The following DLG2 variants were observed in gnomAD, a reference collection of about 807,000 sequenced individuals.
The protein encoded by DLG2 is discs large MAGUK scaffold protein 2.
In DLG2, 45 loss-of-function variants were observed where a neutral mutation model predicts 132.5. That is an observed-to-expected ratio of 0.34 (90% CI 0.27 to 0.44). The LOEUF (loss-of-function observed/expected upper bound fraction) is 0.44, where lower values mean the gene tolerates loss of function less well. DLG2 is among the 20% of genes least tolerant of loss of function. The pLI is 1.00. For missense variants in DLG2, 1,045 were observed against 1,196.9 expected (o/e 0.87, Z 1.87); for synonymous variants, 424 against 419.6 (o/e 1.01, Z -0.13).
rs1566441569 is a variant in DLG2 at position 84,934,515 on chromosome 11, G to GGTTT, written c.357+177145_357+177146insAAAC. Among the ~76,000 whole-genome samples, 30 of 40,502 alleles carry GGTTT rather than the reference G, an allele frequency of 7.4e-4. 2 individuals carry two copies. The highest frequency in any genetic ancestry group is 1.2e-3 in the East Asian group (1 of 822). The allele number at this position is 40,502 out of a possible 152,430, so 26.6% of individuals were successfully genotyped here. On this transcript the variant is annotated intron_variant, in intron 6 of 27. Coordinates refer to ENST00000376104, the MANE Select transcript of DLG2 (RefSeq NM_001142699.3). ...GTATGGTCCTGGGTGTTTTTTTTTT[G>GGTTT]TTTTGTTTTGTTTTTTTTTTTTTTT...
chr11:84,423,632 A>T (rs1188926544), intron 7 of DLG2, among the ~76,000 whole-genome samples: 1 of 152,136 alleles, frequency 6.6e-6, no homozygotes, highest in Non-Finnish European at 1.5e-5. Flanking sequence ...TCACCATCAC[A>T]TCCCAGCTTC....
At chr11:84,931,273 T>C (rs2048054244) in intron 6 of DLG2, among the ~76,000 whole-genome samples, 2 of 152,236 alleles carry the variant, frequency 1.3e-5, no homozygotes, top group South Asian at 4.1e-4. Context: ...AAGCCTAATA[T>C]CTGTTAGTTA....
At chr11:83,840,288 AC>A (rs1305257280) in intron 16 of DLG2, among the ~76,000 whole-genome samples, 2 of 152,216 alleles carry the variant, frequency 1.3e-5, no homozygotes, top group Non-Finnish European at 2.9e-5. Flanking sequence ...GAACCCAGGC[AC>A]CAGCATTTCC....
chr11:85,104,561 G>A (rs2071388580), intron 6 of DLG2, among the ~76,000 whole-genome samples: 1 of 151,740 alleles, frequency 6.6e-6, no homozygotes, highest in Non-Finnish European at 1.5e-5. Flanking sequence ...AGGAGAATGG[G>A]AAATTACTGC....
chr11:85,594,440 G>A (rs540626551), intron 3 of DLG2, among the ~76,000 whole-genome samples: 122 of 152,182 alleles, frequency 8.0e-4, no homozygotes, highest in Non-Finnish European at 1.2e-3. Context: ...TTTACCGCTT[G>A]TTCTCCTCTA....
intron 8 of DLG2, among the ~76,000 whole-genome samples, chr11:84,221,464 A>AAATAAT (rs371276817): frequency 1.3e-5 from 2 of 151,820 alleles, no homozygotes; most frequent in South Asian, 4.2e-4. Flanking sequence ...ATTCCATCTC[A>AAATAAT]AATAATAATA....
intron 17 of DLG2, among the ~76,000 whole-genome samples, chr11:83,824,961 A>C (rs1047456396): frequency 6.6e-6 from 1 of 151,784 alleles, no homozygotes; most frequent in Non-Finnish European, 1.5e-5. Flanking sequence ...CTTAAGGAAT[A>C]TAACTGGAAA....
intron 4 of DLG2, among the ~76,000 whole-genome samples, chr11:85,197,876 C>T (rs2081182567): frequency 6.6e-6 from 1 of 152,124 alleles, no homozygotes; most frequent in African/African-American, 2.4e-5. Flanking sequence ...GGTATTGGGT[C>T]ATCATTTAGC....
At chr11:83,716,896 T>C (rs2086829619) in intron 18 of DLG2, among the ~76,000 whole-genome samples, 1 of 152,188 alleles carries the variant, frequency 6.6e-6, no homozygotes, top group Non-Finnish European at 1.5e-5. Context: ...TGGAATTGCG[T>C]AGGCATGAAA....
At chr11:84,803,902 G>C (rs939498376) in intron 6 of DLG2, among the ~76,000 whole-genome samples, 21 of 152,210 alleles carry the variant, frequency 1.4e-4, no homozygotes, top group African/African-American at 5.1e-4. Context: ...TTTATGTCTA[G>C]TATTTCCTAG....
chr11:84,347,416 G>A (rs1052231048), intron 7 of DLG2, among the ~76,000 whole-genome samples: 2 of 152,148 alleles, frequency 1.3e-5, no homozygotes, highest in African/African-American at 4.8e-5. Context: ...TCTGCCCATT[G>A]ATATTTGGTT....
chr11:84,603,309 C>T (rs183782373), intron 6 of DLG2, among the ~76,000 whole-genome samples: 1 of 151,818 alleles, frequency 6.6e-6, no homozygotes, highest in Non-Finnish European at 1.5e-5. Flanking sequence ...AGCAGACATT[C>T]CATATATATT....
At chr11:84,316,891 G>T (rs758072625) in intron 7 of DLG2, 5 of 1,612,864 alleles carry the variant, frequency 3.1e-6, no homozygotes, top group Non-Finnish European at 4.2e-6. Flanking sequence ...TGCCCTTGGT[G>T]CTCGTCTTGT....
intron 7 of DLG2, among the ~76,000 whole-genome samples, chr11:84,313,864 C>T (rs1194076768): frequency 6.6e-6 from 1 of 152,094 alleles, no homozygotes; most frequent in African/African-American, 2.4e-5. Flanking sequence ...CCTAGATGTA[C>T]ATTTTGGAAC....
At chr11:84,527,719 T>A (rs2099325629) in intron 7 of DLG2, among the ~76,000 whole-genome samples, 1 of 152,208 alleles carries the variant, frequency 6.6e-6, no homozygotes, top group Non-Finnish European at 1.5e-5. Flanking sequence ...ATTTCTTTTT[T>A]AATACACCCT....
chr11:84,759,513 C>A (rs559605396), intron 6 of DLG2, among the ~76,000 whole-genome samples: 10 of 152,148 alleles, frequency 6.6e-5, no homozygotes, highest in Non-Finnish European at 1.2e-4. Flanking sequence ...GAGGCTTGAG[C>A]GTTTATGATA....
At chr11:85,360,181 G>A (rs1341016352) in intron 3 of DLG2, among the ~76,000 whole-genome samples, 1 of 152,160 alleles carries the variant, frequency 6.6e-6, no homozygotes, top group African/African-American at 2.4e-5. Flanking sequence ...GTTTCTAGTT[G>A]TCAGTTTAGA....
At chr11:85,081,417 T>G (rs977511077) in intron 6 of DLG2, among the ~76,000 whole-genome samples, 1 of 152,174 alleles carries the variant, frequency 6.6e-6, no homozygotes, top group African/African-American at 2.4e-5. Flanking sequence ...AGTTTTACTT[T>G]GGCCTTCTTT....
At chr11:83,766,660 C>T (rs1422510179) in intron 18 of DLG2, among the ~76,000 whole-genome samples, 2 of 152,046 alleles carry the variant, frequency 1.3e-5, no homozygotes, top group Admixed American at 1.3e-4. Context: ...ATTAGCAATG[C>T]TTTTGTTTGC....
Sources: allele counts gnomAD v4.1 joint callset (sites outside exome capture counted in the v4.1 genomes callset), GRCh38; gene constraint gnomAD v4.1.1; transcripts MANE v1.5; gene names NCBI Gene and HGNC (gene_info 2026-07-23, HGNC 2026-07-21).